Variants in CSF1 observed in about 807,000 individuals in gnomAD.
CSF1 encodes macrophage colony-stimulating factor 1.
In CSF1, 9 loss-of-function variants were observed where a neutral mutation model predicts 48.9. That is an observed-to-expected ratio of 0.18 (90% CI 0.11 to 0.32). The LOEUF (loss-of-function observed/expected upper bound fraction) is 0.32. CSF1 is among the 10% of genes least tolerant of loss of function. The pLI, the probability that CSF1 is intolerant of heterozygous loss-of-function variation, is 1.00. For synonymous variants in CSF1, 305 were observed against 284.1 expected (o/e 1.07, Z -0.74); for missense variants, 672 against 697.9 (o/e 0.96, Z 0.42).
chr1:109,924,197 A>G lies in CSF1; in HGVS notation c.1569+7A>G. 1 of 1,595,756 alleles carries G rather than the reference A, an allele frequency of 6.3e-7. No individual in the cohort carries two copies. The highest frequency in any genetic ancestry group is 8.5e-7 in the Non-Finnish European group (1 of 1,171,428). ...CTACAGGTGGAGGCGGCGGGTGAGT[A>G]GATCCCCATGAGGAAGAAGAGCACG... On this transcript the variant is annotated splice_region_variant and intron_variant, in intron 6 of 8. Coordinates refer to ENST00000329608, the MANE Select transcript of CSF1 (RefSeq NM_000757.6).
In CSF1 at chr1:109,923,619, T is replaced by A. The variant is rs1211191517; in HGVS notation, c.998T>A (p.Met333Lys). The change falls in exon 6 of 9, where the codon ATG becomes AAG. Residue 333 changes from methionine (M) to lysine (K), a missense_variant. Physicochemically the swap from Met to Lys is moderately conservative, Grantham distance 95 (BLOSUM62 -1). Transcript: ENST00000329608. ...CCCTCCAGGCCAGGAGGGGGCAGCATGCAGACAGAGCCCGCCAGACCCAGC... is the reference window on the plus strand; with the variant it reads ...CCCTCCAGGCCAGGAGGGGGCAGCAAGCAGACAGAGCCCGCCAGACCCAGC... ...LSPSRPGGGS[M>K]QTEPARPSNF... The A allele has an allele frequency of 3.1e-6, 5 of 1,614,014 alleles. No homozygotes were observed. In the Admixed American group the frequency reaches 8.3e-5, roughly 27 times the overall value.
chr1:109,923,555 G>T lies in CSF1; in HGVS notation c.934G>T (p.Ala312Ser), dbSNP rs765776292. 1 of 1,614,140 alleles carries T rather than the reference G, an allele frequency of 6.2e-7. No homozygotes were observed. The highest frequency in any genetic ancestry group is 1.1e-5 in the South Asian group (1 of 91,090). The stretch of plus-strand genomic sequence containing the variant: ...GGTCCCAGAAGAAGCCTCTGGAGAG[G>T]CCAGTGAGATTCCCGTACCCCAAGG... ...NWVPEEASGE[A>S]SEIPVPQGTE... The change falls in exon 6 of 9, where the codon GCC becomes TCC. Residue 312 changes from alanine to serine, a missense_variant. Physicochemically the swap from Ala to Ser is moderately conservative, Grantham distance 99. This residue lies in a region of CSF1 where 591 missense variants were observed against 593.6 expected (regional missense o/e 1.00). Transcript: ENST00000329608.
At chr1:109,912,771 A>G (rs1432855321) in intron 1 of CSF1, among the ~76,000 whole-genome samples, 1 of 152,026 alleles carries the variant, frequency 6.6e-6, no homozygotes, top group Non-Finnish European at 1.5e-5. Context: ...GTTTCCTCCA[A>G]TCATTCCTGA....
At chr1:109,919,686 G>A (rs78356276) in intron 4 of CSF1, among the ~76,000 whole-genome samples, 80 of 150,734 alleles carry the variant, frequency 5.3e-4, no homozygotes, top group African/African-American at 1.8e-3. Context: ...AGGGCCGGGC[G>A]CGGTGGTTCA....
chr1:109,918,793 T>C (rs893850220), intron 4 of CSF1, among the ~76,000 whole-genome samples: 1 of 151,962 alleles, frequency 6.6e-6, no homozygotes, highest in African/African-American at 2.4e-5. Context: ...CAGCTAGGTG[T>C]GCGGGTCTTG....
At chr1:109,922,108 G>A (rs544123610) in intron 5 of CSF1, 114 bp downstream of exon 5, 27 of 1,218,864 alleles carry the variant, frequency 2.2e-5, no homozygotes, top group East Asian at 9.7e-5. Flanking sequence ...GCTGCTACTC[G>A]TGTTCCCGTG....
At chr1:109,928,697 C>T (rs1268867236) in intron 8 of CSF1, among the ~76,000 whole-genome samples, 155 bp from the exon 9 acceptor site, 1 of 152,130 alleles carries the variant, frequency 6.6e-6, no homozygotes, top group African/African-American at 2.4e-5. Flanking sequence ...CCTGGTCTCT[C>T]TGTGGTGTCT....
Position 109,923,967 on chromosome 1 carries a change from G to A in CSF1, c.1346G>A (p.Arg449Gln), listed in dbSNP as rs781181652. The stretch of plus-strand genomic sequence containing the variant: ...GAGGGCAGGAGGAGCACCAGGGATC[G>A]GAGGAGCCCCGCAGAGCCAGAAGGA... ...ELEGRRSTRD[R>Q]RSPAEPEGGP... is the part of the protein sequence containing the mutation. Residue 449 changes from arginine (R) to glutamine (Q), a missense_variant, in exon 6 of 9, where the codon CGG becomes CAG. Physicochemically the swap from Arg to Gln is conservative, Grantham distance 43. Around this residue, in one of 3 missense-constraint regions of CSF1, gnomAD observed 591 missense variants for 593.6 expected, o/e 1.00. Coordinates refer to ENST00000329608, the MANE Select transcript of CSF1 (RefSeq NM_000757.6). 21 of 1,614,178 alleles carry A rather than the reference G, an allele frequency of 1.3e-5. No individual in the cohort carries two copies. Among genetic ancestry groups the A allele is most frequent in the Middle Eastern group, 1.6e-4 (1 of 6,062 alleles).
chr1:109,922,081 C>G, intron 5 of CSF1, 87 bp downstream of exon 5: 1 of 1,465,078 alleles, frequency 6.8e-7, no homozygotes, highest in Non-Finnish European at 9.2e-7. Context: ...TGGGGGGACC[C>G]CTGGGGAGGC....
intron 5 of CSF1, 85 bp downstream of exon 5, chr1:109,922,079 C>T (rs12721517): frequency 2.3e-4 from 348 of 1,481,264 alleles, no homozygotes; most frequent in Non-Finnish European, 2.8e-4. Context: ...GCTGGGGGGA[C>T]CCCTGGGGAG....
rs752705819 is a variant in CSF1 at position 109,923,769 on chromosome 1, C to A, written c.1148C>A (p.Thr383Asn). ...VRPTGQDWNH[T>N]PQKTDHPSAL... ...CCCACTGGCCAGGACTGGAATCACA[C>A]CCCCCAGAAGACAGACCATCCATCT... Residue 383 changes from threonine to asparagine, a missense_variant, in exon 6 of 9, where the codon ACC becomes AAC. Transcript: ENST00000329608. 3.5e-5 allele frequency: 57 copies of A among 1,607,192 alleles called. No homozygotes were observed. The highest frequency in any genetic ancestry group is 2.9e-4 in the East Asian group (13 of 44,806).
intron 8 of CSF1, among the ~76,000 whole-genome samples, chr1:109,927,717 G>T (rs922577016): frequency 6.6e-6 from 1 of 152,218 alleles, no homozygotes; most frequent in Non-Finnish European, 1.5e-5. Context: ...GGCACCAGTG[G>T]CCTTGGAGAG....
chr1:109,924,492 G>A lies in CSF1; in HGVS notation c.1570-284G>A, dbSNP rs186738094. Among the ~76,000 whole-genome samples, 292 of 152,282 alleles carry A rather than the reference G, an allele frequency of 1.9e-3. 2 individuals carry two copies. Among genetic ancestry groups the A allele is most frequent in the African/African-American group, 6.8e-3 (282 of 41,520 alleles). ...GGAGCTGGAGGAGGAGAGCAATGCTGTGTGAGCGTGTCAGGGCAGGCGTAC... is the reference window on the plus strand; with the variant it reads ...GGAGCTGGAGGAGGAGAGCAATGCTATGTGAGCGTGTCAGGGCAGGCGTAC... On this transcript the variant is annotated intron_variant, in intron 6 of 8. Coordinates refer to ENST00000329608, the MANE Select transcript of CSF1 (RefSeq NM_000757.6).
chr1:109,916,247 C>A (rs904747458), intron 3 of CSF1, among the ~76,000 whole-genome samples: 6 of 152,164 alleles, frequency 3.9e-5, no homozygotes, highest in African/African-American at 1.2e-4. Context: ...CCCACCTTCA[C>A]CCCTCAATCA....
chr1:109,928,188 C>T (rs960608476), intron 8 of CSF1, among the ~76,000 whole-genome samples: 3 of 152,148 alleles, frequency 2.0e-5, no homozygotes, highest in Admixed American at 6.5e-5. Context: ...GGGTGGAAGG[C>T]GAGAGGACAA....
At chr1:109,915,993 A>C (rs1654888583) in intron 3 of CSF1, among the ~76,000 whole-genome samples, 1 of 152,036 alleles carries the variant, frequency 6.6e-6, no homozygotes. Context: ...AGAGAGGTGA[A>C]AGGAGCATAG....
chr1:109,911,142 G>A (rs1314427201), intron 1 of CSF1, 80 bp downstream of exon 1: 1 of 893,604 alleles, frequency 1.1e-6, no homozygotes, highest in South Asian at 5.0e-5. Context: ...GCGGCCCCTC[G>A]GAGCCGACAG....
chr1:109,923,471 G>C lies in CSF1; in HGVS notation c.850G>C (p.Val284Leu), dbSNP rs368092176. The change falls in exon 6 of 9, where the codon GTC (valine) becomes CTC (leucine). Residue 284 changes from valine to leucine, a missense_variant. Physicochemically the swap from Val to Leu is conservative, Grantham distance 32. Around this residue, in one of 3 missense-constraint regions of CSF1, gnomAD observed 591 missense variants for 593.6 expected, o/e 1.00. Transcript: ENST00000329608. Reference sequence around the variant, plus strand: ...TGGCTCACCACAGCCTCGCCCCTCTGTCGGGGCCTTCAACCCCGGGATGGA... The same window carrying C: ...TGGCTCACCACAGCCTCGCCCCTCTCTCGGGGCCTTCAACCCCGGGATGGA... ...IGGSPQPRPS[V>L]GAFNPGMEDI... is the part of the protein sequence containing the mutation. 4.3e-6 allele frequency: 7 copies of C among 1,614,146 alleles called. No individual in the cohort carries two copies. The highest frequency in any genetic ancestry group is 1.6e-4 in the Middle Eastern group (1 of 6,062).
intron 3 of CSF1, 34 bp from the exon 4 acceptor site, chr1:109,917,259 G>C (rs770256756): frequency 3.8e-5 from 61 of 1,604,192 alleles, no homozygotes; most frequent in Non-Finnish European, 5.1e-5. Flanking sequence ...GGCCACAATG[G>C]CCAGGCCATA....
Sources: allele counts gnomAD v4.1 joint callset (sites outside exome capture counted in the v4.1 genomes callset), GRCh38; gene constraint gnomAD v4.1.1; regional missense constraint gnomAD v4.1.1; transcripts MANE v1.5; gene names NCBI Gene and HGNC (gene_info 2026-07-23, HGNC 2026-07-21).